CADM2: variants seen among roughly 807,000 people sequenced by gnomAD.
The protein encoded by CADM2 is cell adhesion molecule 2.
CADM2 carries 12 observed loss-of-function variants against 49.8 expected under a neutral mutation model. The ratio of observed to expected loss-of-function variants is 0.24; its 90% CI spans 0.15 to 0.39. The LOEUF is 0.39. CADM2 is among the 10% of genes least tolerant of loss of function. The probability of loss-of-function intolerance (pLI) is 1.00; values close to 1 mark genes in which losing one functional copy is unlikely to be tolerated. For synonymous variants in CADM2, 214 were observed against 175.4 expected (o/e 1.22, Z -1.74); for missense variants, 378 against 492.3 (o/e 0.77, Z 2.20).
chr3:85,982,442 T>A (rs1178217592), intron 8 of CADM2, among the ~76,000 whole-genome samples: 1 of 151,632 alleles, frequency 6.6e-6, no homozygotes, highest in Non-Finnish European at 1.5e-5. Flanking sequence ...AATATTTTTT[T>A]AAAAAGTTTT....
intron 3 of CADM2, among the ~76,000 whole-genome samples, chr3:85,849,457 A>G (rs2075007224): frequency 6.6e-6 from 1 of 152,188 alleles, no homozygotes; most frequent in Non-Finnish European, 1.5e-5. Context: ...CTCTTGTAAA[A>G]CATATCTGGA....
intron 1 of CADM2, among the ~76,000 whole-genome samples, chr3:85,298,021 T>G (rs775162453): frequency 6.6e-6 from 1 of 152,086 alleles, no homozygotes; most frequent in Non-Finnish European, 1.5e-5. Flanking sequence ...TAACTGTTAC[T>G]CAAAATGATG....
intron 1 of CADM2, among the ~76,000 whole-genome samples, chr3:85,289,174 T>G (rs2043711592): frequency 6.6e-6 from 1 of 152,202 alleles, no homozygotes; most frequent in African/African-American, 2.4e-5. Flanking sequence ...ACCCATCTAC[T>G]TAGCTAGCAG....
At chr3:84,979,746 A>G (rs73137663) in intron 1 of CADM2, among the ~76,000 whole-genome samples, 13,726 of 152,148 alleles carry the variant, frequency 0.09, 836 homozygotes, top group Non-Finnish European at 0.14. Context: ...GATTTTTATT[A>G]AGAAATAATT....
At position 85,508,481 on chromosome 3, in the gene CADM2, C is replaced by A. The variant is rs537546251; in HGVS notation, c.62-218041C>A. ...TTTAAAAAGGCAAACACTTTTTCTACTTCCAGCTACTTGGATGTTGGACCT... is the reference window on the plus strand; with the variant it reads ...TTTAAAAAGGCAAACACTTTTTCTAATTCCAGCTACTTGGATGTTGGACCT... On this transcript the variant is annotated intron_variant, in intron 1 of 9. Transcript: ENST00000383699. 4.6e-5 allele frequency among the ~76,000 whole-genome samples: 7 copies of A among 152,260 alleles called. No homozygotes were observed. In the East Asian group the frequency reaches 1.4e-3, roughly 29 times the overall value.
chr3:85,221,498 A>G (rs1363171048), intron 1 of CADM2, among the ~76,000 whole-genome samples: 1 of 152,158 alleles, frequency 6.6e-6, no homozygotes, highest in Non-Finnish European at 1.5e-5. Flanking sequence ...ACAATAACCA[A>G]TCTGAAAAAC....
chr3:85,608,607 A>G (rs1042302298), intron 1 of CADM2, among the ~76,000 whole-genome samples: 2 of 152,134 alleles, frequency 1.3e-5, no homozygotes, highest in Non-Finnish European at 2.9e-5. Flanking sequence ...CCTACCAGCA[A>G]TGTCAGCTTA....
intron 1 of CADM2, among the ~76,000 whole-genome samples, chr3:85,178,966 A>G (rs2040856290): frequency 6.6e-6 from 1 of 151,978 alleles, no homozygotes; most frequent in South Asian, 2.1e-4. Context: ...ATACTTTTGA[A>G]TGAAGAACAT....
At chr3:85,707,197 A>G (rs992166890) in intron 1 of CADM2, among the ~76,000 whole-genome samples, 1 of 151,968 alleles carries the variant, frequency 6.6e-6, no homozygotes, top group African/African-American at 2.4e-5. Flanking sequence ...TTTACCAAAT[A>G]TCTACTACTA....
chr3:85,377,199 G>A (rs1190513475), intron 1 of CADM2, among the ~76,000 whole-genome samples: 3 of 151,938 alleles, frequency 2.0e-5, no homozygotes, highest in Admixed American at 2.0e-4. Flanking sequence ...AATATTTATT[G>A]CTTCTTTGTT....
intron 1 of CADM2, among the ~76,000 whole-genome samples, chr3:85,071,130 TAA>T (rs2036728160): frequency 6.6e-6 from 1 of 151,996 alleles, no homozygotes; most frequent in Non-Finnish European, 1.5e-5. Context: ...AAATACTTCG[TAA>T]AAGCTTTTAC....
intron 1 of CADM2, among the ~76,000 whole-genome samples, chr3:85,502,094 AC>A (rs1433508207): frequency 6.6e-6 from 1 of 152,188 alleles, no homozygotes; most frequent in African/African-American, 2.4e-5. Flanking sequence ...TCACAATGAA[AC>A]TTTATTAAAA....
At chr3:85,443,000 C>A (rs572000708) in intron 1 of CADM2, among the ~76,000 whole-genome samples, 3 of 151,800 alleles carry the variant, frequency 2.0e-5, no homozygotes, top group South Asian at 2.1e-4. Flanking sequence ...AAATTTATGT[C>A]TTGAAACATG....
intron 1 of CADM2, among the ~76,000 whole-genome samples, chr3:85,402,994 G>A (rs1397408264): frequency 6.6e-6 from 1 of 152,090 alleles, no homozygotes; most frequent in Non-Finnish European, 1.5e-5. Context: ...CGTATTTTCA[G>A]CATCATTATT....
At chr3:85,363,688 T>C (rs1004360142) in intron 1 of CADM2, among the ~76,000 whole-genome samples, 1 of 152,228 alleles carries the variant, frequency 6.6e-6, no homozygotes, top group Non-Finnish European at 1.5e-5. Flanking sequence ...CTTGGCTCAC[T>C]GCAAGCTCCG....
Position 85,331,563 on chromosome 3 carries a change from A to G in CADM2, c.61+371895A>G, listed in dbSNP as rs529098064. Reference sequence around the variant, plus strand: ...GATTGGCCTTTTTGAGAGAAAAATAATAAGTATTTGAGAATAAGAGTTTTA... The same window carrying G: ...GATTGGCCTTTTTGAGAGAAAAATAGTAAGTATTTGAGAATAAGAGTTTTA... On this transcript the variant is annotated intron_variant, in intron 1 of 9. Coordinates refer to ENST00000383699, the MANE Select transcript of CADM2 (RefSeq NM_001167675.2). Among the ~76,000 whole-genome samples the G allele has an allele frequency of 2.0e-5, 3 of 151,890 alleles. No individual in the cohort carries two copies. The East Asian group carries it at 5.9e-4, about 30-fold the overall frequency.
At chr3:85,562,888 A>G (rs1384606420) in intron 1 of CADM2, among the ~76,000 whole-genome samples, 2 of 152,112 alleles carry the variant, frequency 1.3e-5, no homozygotes, top group Admixed American at 1.3e-4. Context: ...TAAATACCTA[A>G]TTTATGAGTT....
At chr3:85,395,560 T>C (rs965468799) in intron 1 of CADM2, among the ~76,000 whole-genome samples, 1 of 152,086 alleles carries the variant, frequency 6.6e-6, no homozygotes, top group Non-Finnish European at 1.5e-5. Flanking sequence ...CTTTGTTTCA[T>C]ATGAAATTGT....
intron 8 of CADM2, among the ~76,000 whole-genome samples, chr3:85,990,440 A>G (rs1007229812): frequency 6.6e-6 from 1 of 152,156 alleles, no homozygotes; most frequent in Non-Finnish European, 1.5e-5. Flanking sequence ...CAATGGGATT[A>G]TCTGGACATA....
Sources: gnomAD v4.1 joint callset for allele counts (sites outside exome capture counted in the v4.1 genomes callset) on GRCh38, gnomAD v4.1.1 for gene constraint, MANE v1.5 for transcripts, NCBI Gene and HGNC (gene_info 2026-07-23, HGNC 2026-07-21) for gene names.